Variants in USH2A observed in about 807,000 individuals in gnomAD.
USH2A encodes the protein Usher syndrome 2A (autosomal recessive, mild).
Under a neutral mutation model 538.9 loss-of-function variants are expected in USH2A, and 443 were observed. That is an observed-to-expected ratio of 0.82 (90% CI 0.76 to 0.89). The LOEUF (loss-of-function observed/expected upper bound fraction) is 0.89, where lower values mean the gene tolerates loss of function less well. USH2A is among the 40% of genes least tolerant of loss of function. The pLI, the probability that USH2A is intolerant of heterozygous loss-of-function variation, is 0.00. For synonymous variants in USH2A, 2,413 were observed against 2,273.5 expected, an observed-to-expected ratio of 1.06 and a Z score of -1.75; for missense variants, 6,633 against 6,324.8, an observed-to-expected ratio of 1.05 and a Z score of -1.65.
At position 215,625,799 on chromosome 1, in the gene USH2A, G is replaced by T. The variant is rs1430931717; in HGVS notation, c.15591C>A (p.Phe5197Leu). 4 of 1,614,122 alleles carry T rather than the reference G, an allele frequency of 2.5e-6. No homozygotes were observed. The highest frequency in any genetic ancestry group is 3.4e-6 in the Non-Finnish European group (4 of 1,179,992). Reference protein sequence around the residue: ...FSSVTKERTTFTDTHL With the variant: ...FSSVTKERTTLTDTHL ...CCATCCTTTACAGGTGGGTGTCTGT[G>T]AATGTGGTGCGTTCCTTAGTCACTG... The change falls in exon 72 of 72, where the codon TTC (phenylalanine) becomes TTA (leucine). Residue 5197 changes from phenylalanine (F) to leucine (L), a missense_variant. Transcript: ENST00000307340.
At chr1:215,750,557 C>T (rs1660592915) in intron 58 of USH2A, among the ~76,000 whole-genome samples, 1 of 152,174 alleles carries the variant, frequency 6.6e-6, no homozygotes, top group South Asian at 2.1e-4. Context: ...TCGACTGATC[C>T]TGAATTACAT....
intron 59 of USH2A, among the ~76,000 whole-genome samples, chr1:215,741,887 T>A (rs1020409202): frequency 6.6e-6 from 1 of 152,092 alleles, no homozygotes; most frequent in African/African-American, 2.4e-5. Flanking sequence ...AGTGTATGTG[T>A]GACCTACACA....
intron 20 of USH2A, among the ~76,000 whole-genome samples, chr1:216,181,961 C>T (rs550556341): frequency 5.9e-5 from 9 of 152,054 alleles, no homozygotes; most frequent in Non-Finnish European, 1.2e-4. Flanking sequence ...CAGAAAGTAG[C>T]GTCACTGATC....
intron 61 of USH2A, among the ~76,000 whole-genome samples, chr1:215,723,694 T>A (rs974724748): frequency 2.6e-5 from 4 of 152,090 alleles, no homozygotes; most frequent in African/African-American, 9.7e-5. Context: ...GAGTGGCCAA[T>A]AAACAAAAAC....
At chr1:216,229,109 G>A (rs2035622839) in intron 14 of USH2A, among the ~76,000 whole-genome samples, 1 of 151,958 alleles carries the variant, frequency 6.6e-6, no homozygotes, top group Non-Finnish European at 1.5e-5. Context: ...GGGAGGCAGA[G>A]GTTGAAGTGA....
At chr1:216,177,323 T>G (rs2034407636) in intron 20 of USH2A, among the ~76,000 whole-genome samples, 1 of 152,186 alleles carries the variant, frequency 6.6e-6, no homozygotes, top group Non-Finnish European at 1.5e-5. Context: ...TATAGAACAT[T>G]TTTCATATGT....
intron 69 of USH2A, among the ~76,000 whole-genome samples, chr1:215,637,229 G>T (rs562608783): frequency 6.6e-6 from 1 of 152,150 alleles, no homozygotes; most frequent in African/African-American, 2.4e-5. Context: ...TAGAAGGCGA[G>T]CAACCTTGGT....
intron 32 of USH2A, among the ~76,000 whole-genome samples, chr1:216,004,402 T>C (rs756034660): frequency 3.3e-5 from 5 of 151,932 alleles, no homozygotes; most frequent in Non-Finnish European, 5.9e-5. Context: ...AACATTGAGA[T>C]TATGGTGTCT....
intron 4 of USH2A, among the ~76,000 whole-genome samples, chr1:216,360,116 A>G (rs2038463372): frequency 6.6e-6 from 1 of 152,138 alleles, no homozygotes; most frequent in Non-Finnish European, 1.5e-5. Context: ...ACTGATGTTT[A>G]TAGCAACTTT....
intron 61 of USH2A, among the ~76,000 whole-genome samples, chr1:215,700,353 T>C (rs182439670): frequency 1.3e-5 from 2 of 152,324 alleles, no homozygotes; most frequent in Admixed American, 1.3e-4. Context: ...CTTCTTTTTC[T>C]ATTGTTTGGA....
intron 11 of USH2A, among the ~76,000 whole-genome samples, chr1:216,260,780 G>A (rs2036355309): frequency 6.6e-6 from 1 of 152,066 alleles, no homozygotes; most frequent in Admixed American, 6.6e-5. Flanking sequence ...CTTGTTATTG[G>A]AAGAGGCACA....
At chr1:215,730,986 T>C (rs1659978707) in intron 60 of USH2A, among the ~76,000 whole-genome samples, 1 of 152,204 alleles carries the variant, frequency 6.6e-6, no homozygotes, top group South Asian at 2.1e-4. Context: ...AGTTGTTTGC[T>C]AGGAACACAA....
intron 62 of USH2A, among the ~76,000 whole-genome samples, chr1:215,676,650 G>C (rs1571950761): frequency 1.3e-5 from 2 of 152,234 alleles, no homozygotes; most frequent in East Asian, 3.9e-4. Context: ...ACCTCTTTAT[G>C]TTGGAATGTT....
chr1:215,842,965 T>C (rs1663726876), intron 46 of USH2A, among the ~76,000 whole-genome samples: 1 of 152,160 alleles, frequency 6.6e-6, no homozygotes, highest in Non-Finnish European at 1.5e-5. Flanking sequence ...ATACAGGAAC[T>C]TAAAATAAAA....
rs961533183 is a variant in USH2A, at chr1:216,327,521, T to G, written c.848+70A>C. On this transcript the variant is annotated intron_variant, in intron 5 of 71. Coordinates refer to ENST00000307340, the MANE Select transcript of USH2A (RefSeq NM_206933.4). ...ATAAAAAATGGTATAATCTACATAGTATTCTTATTTAAGTGAATTCAGCAT... is the reference window on the plus strand; with the variant it reads ...ATAAAAAATGGTATAATCTACATAGGATTCTTATTTAAGTGAATTCAGCAT... The G allele has an allele frequency of 2.0e-6, 3 of 1,531,066 alleles. No individual in the cohort carries two copies. In the South Asian group the frequency reaches 3.4e-5, roughly 17 times the overall value. 94.8% of individuals were successfully genotyped at this position (1,531,066 alleles called of 1,614,324 possible). A position where few individuals can be genotyped will look rare whatever the true frequency, so the allele number is the denominator to read the frequency against.
At chr1:215,668,983 T>A (rs1657722898) in intron 64 of USH2A, among the ~76,000 whole-genome samples, 1 of 152,086 alleles carries the variant, frequency 6.6e-6, no homozygotes, top group African/African-American at 2.4e-5. Flanking sequence ...TGCAGTGAGT[T>A]GAGATCTCGA....
At chr1:215,724,544 A>G (rs1232730359) in intron 61 of USH2A, among the ~76,000 whole-genome samples, 2 of 152,188 alleles carry the variant, frequency 1.3e-5, no homozygotes, top group African/African-American at 4.8e-5. Flanking sequence ...CGGTTACACT[A>G]AAAGCCCAGA....
chr1:215,744,411 T>A (rs6656265), intron 58 of USH2A, among the ~76,000 whole-genome samples: 33,777 of 152,208 alleles, frequency 0.22, 3,905 homozygotes, highest in Middle Eastern at 0.24. Context: ...ACAACAGGCA[T>A]ACTTTTTCAA....
At chr1:216,235,536 C>G (rs776240698) in intron 13 of USH2A, among the ~76,000 whole-genome samples, 1 of 152,184 alleles carries the variant, frequency 6.6e-6, no homozygotes, top group African/African-American at 2.4e-5. Flanking sequence ...AACAAAGAGT[C>G]ACCCATATTG....
Sources: allele counts gnomAD v4.1 joint callset (sites outside exome capture counted in the v4.1 genomes callset), GRCh38; gene constraint gnomAD v4.1.1; transcripts MANE v1.5; gene names NCBI Gene and HGNC (gene_info 2026-07-23, HGNC 2026-07-21).